Variants in SETBP1 observed in about 807,000 individuals in gnomAD.
SETBP1 encodes SET-binding protein.
A neutral mutation model predicts 101.0 loss-of-function variants in SETBP1; 9 were observed. That is an observed-to-expected ratio of 0.09 (90% CI 0.05 to 0.16). The LOEUF (loss-of-function observed/expected upper bound fraction) is 0.16. SETBP1 is among the 10% of genes least tolerant of loss of function. The pLI, the probability that SETBP1 is intolerant of heterozygous loss-of-function variation, is 1.00. For synonymous variants in SETBP1, 818 were observed against 788.5 expected (o/e 1.04, Z -0.63); for missense variants, 1,858 against 2,033.8 (o/e 0.91, Z 1.66).
chr18:45,051,137 G>T (rs988664849), intron 5 of SETBP1, among the ~76,000 whole-genome samples: 1 of 151,976 alleles, frequency 6.6e-6, no homozygotes, highest in Non-Finnish European at 1.5e-5. Context: ...CCTACTCCAC[G>T]CATTGTAACT....
chr18:44,690,768 T>G (rs2068917718), intron 1 of SETBP1, among the ~76,000 whole-genome samples: 1 of 152,322 alleles, frequency 6.6e-6, no homozygotes, highest in African/African-American at 2.4e-5. Flanking sequence ...TATAATAAAC[T>G]TAAATCAGAT....
intron 4 of SETBP1, among the ~76,000 whole-genome samples, chr18:44,970,823 T>C (rs911937542): frequency 1.3e-5 from 2 of 152,160 alleles, no homozygotes; most frequent in African/African-American, 4.8e-5. Context: ...AGTGCTGGGA[T>C]TACAGGCCTG....
intron 5 of SETBP1, among the ~76,000 whole-genome samples, chr18:45,048,880 G>T (rs1401833178): frequency 1.3e-5 from 2 of 148,438 alleles, no homozygotes; most frequent in Non-Finnish European, 3.0e-5. Flanking sequence ...GCTGAGGCAG[G>T]AGAATGGCGT....
At chr18:44,842,266 C>G (rs1003238537) in intron 2 of SETBP1, among the ~76,000 whole-genome samples, 27 of 152,186 alleles carry the variant, frequency 1.8e-4, no homozygotes, top group African/African-American at 6.3e-4. Context: ...CCCAGGAGGG[C>G]TGGGACATGT....
chr18:44,829,301 C>T (rs2072306984), intron 2 of SETBP1, among the ~76,000 whole-genome samples: 1 of 152,196 alleles, frequency 6.6e-6, no homozygotes, highest in Non-Finnish European at 1.5e-5. Context: ...TGTTACTGAT[C>T]TGCCCTATTG....
chr18:44,828,598 A>T (rs2072288601), intron 2 of SETBP1, among the ~76,000 whole-genome samples: 1 of 152,216 alleles, frequency 6.6e-6, no homozygotes, highest in African/African-American at 2.4e-5. Flanking sequence ...GGGGTGGATG[A>T]TGGAAGGAGA....
intron 2 of SETBP1, among the ~76,000 whole-genome samples, chr18:44,712,441 G>C (rs1474981881): frequency 6.6e-6 from 1 of 152,198 alleles, no homozygotes. Flanking sequence ...ACTCAGCTCA[G>C]GAATTTCAGC....
At chr18:44,802,608 A>G (rs971189317) in intron 2 of SETBP1, among the ~76,000 whole-genome samples, 1 of 152,108 alleles carries the variant, frequency 6.6e-6, no homozygotes, top group African/African-American at 2.4e-5. Flanking sequence ...CCATGTATCT[A>G]TTCCTTGTCC....
At chr18:44,814,553 A>G (rs1312589946) in intron 2 of SETBP1, among the ~76,000 whole-genome samples, 3 of 152,232 alleles carry the variant, frequency 2.0e-5, no homozygotes, top group African/African-American at 7.2e-5. Flanking sequence ...AGGAGCTTCT[A>G]GTGATAAGCC....
chr18:44,861,229 C>CTTTTTTTTTTTTTTTTTTTTTTTTTTT, intron 2 of SETBP1, among the ~76,000 whole-genome samples: 1 of 88,348 alleles, frequency 1.1e-5, no homozygotes, highest in Non-Finnish European at 2.2e-5. Context: ...TTTTTCTTTT[C>CTTTTTTTTTTTTTTTTTTTTTTTTTTT]TTTTTTTTTT....
In SETBP1 at chr18:44,741,380, T is replaced by C. The variant is rs573449096; in HGVS notation, c.486+39548T>C. On this transcript the variant is annotated intron_variant, in intron 2 of 5. Transcript: ENST00000649279. ...GATGGGGCTGTGAGGAAAGGCTAAC[T>C]ATTTCCTATCTCTTCCTCTAGAAAA... Among the ~76,000 whole-genome samples, 12 of 152,290 alleles carry C rather than the reference T, an allele frequency of 7.9e-5. No individual in the cohort carries two copies. The South Asian group carries it at 2.3e-3, about 29-fold the overall frequency.
intron 2 of SETBP1, among the ~76,000 whole-genome samples, chr18:44,829,823 A>G (rs1224360678): frequency 6.6e-6 from 1 of 152,172 alleles, no homozygotes; most frequent in Non-Finnish European, 1.5e-5. Context: ...GATTGTTGTC[A>G]AAGTATATTT....
intron 2 of SETBP1, among the ~76,000 whole-genome samples, chr18:44,840,927 C>G (rs1304877434): frequency 6.6e-6 from 1 of 152,110 alleles, no homozygotes; most frequent in East Asian, 1.9e-4. Flanking sequence ...TAATATGTAG[C>G]CAGGGTTGGA....
At chr18:44,744,778 A>C (rs1039612954) in intron 2 of SETBP1, among the ~76,000 whole-genome samples, 6 of 128,592 alleles carry the variant, frequency 4.7e-5, no homozygotes, top group African/African-American at 1.6e-4. Context: ...TTAAAAAAAA[A>C]AAAACAAAAA....
At chr18:44,854,790 A>AC (rs1255796264) in intron 2 of SETBP1, among the ~76,000 whole-genome samples, 1 of 151,796 alleles carries the variant, frequency 6.6e-6, no homozygotes. Flanking sequence ...CCTCCATATT[A>AC]CCCCCCATAT....
chr18:44,703,348 G>GTTTTTTTTTTTTTTTTTTT (rs531974601), intron 2 of SETBP1, among the ~76,000 whole-genome samples: 3 of 51,444 alleles, frequency 5.8e-5, no homozygotes, highest in Non-Finnish European at 7.3e-5. Flanking sequence ...TTACCATTAG[G>GTTTTTTTTTTTTTTTTTTT]TTTTTTTTTT....
chr18:44,712,317 C>T lies in SETBP1; in HGVS notation c.486+10485C>T, dbSNP rs1351333605. ...AGCTCTGTCCCTCCAGGTGGGCCAC[C>T]CACCATGTCTTGCCAATAAGAAGCA... On this transcript the variant is annotated intron_variant, in intron 2 of 5. Coordinates refer to ENST00000649279, the MANE Select transcript of SETBP1 (RefSeq NM_015559.3). 3.3e-5 allele frequency among the ~76,000 whole-genome samples: 5 copies of T among 152,192 alleles called. No individual in the cohort carries two copies. The South Asian group carries it at 1.0e-3, about 32-fold the overall frequency.
intron 2 of SETBP1, among the ~76,000 whole-genome samples, chr18:44,826,685 A>G (rs1406082340): frequency 6.6e-6 from 1 of 152,150 alleles, no homozygotes; most frequent in Non-Finnish European, 1.5e-5. Context: ...ACATCTGCCC[A>G]GACACATGCT....
intron 4 of SETBP1, among the ~76,000 whole-genome samples, chr18:45,004,702 CAT>C (rs1312208831): frequency 6.6e-6 from 1 of 152,202 alleles, no homozygotes. Flanking sequence ...TGGCTCATAA[CAT>C]ATCTATTTAC....
Sources: gnomAD v4.1 joint callset for allele counts (sites outside exome capture counted in the v4.1 genomes callset) on GRCh38, gnomAD v4.1.1 for gene constraint, MANE v1.5 for transcripts, NCBI Gene and HGNC (gene_info 2026-07-23, HGNC 2026-07-21) for gene names.